PDLIM5: variants seen among roughly 807,000 people sequenced by gnomAD.
PDLIM5 encodes the protein PDZ and LIM domain 5.
In PDLIM5, 34 loss-of-function variants were observed where a neutral mutation model predicts 64.2. The observed-to-expected ratio is 0.53, with a 90% CI of 0.40 to 0.71. The LOEUF is 0.71. PDLIM5 is among the 30% of genes least tolerant of loss of function. The probability of loss-of-function intolerance (pLI) is 0.00; values close to 1 mark genes in which losing one functional copy is unlikely to be tolerated. For missense variants in PDLIM5, 683 were observed against 733.6 expected, an observed-to-expected ratio of 0.93 and a Z score of 0.80; for synonymous variants, 253 against 269.1, an observed-to-expected ratio of 0.94 and a Z score of 0.59.
At position 94,661,767 on chromosome 4, in the gene PDLIM5, C is replaced by A. The variant is rs532822663; in HGVS notation, c.1586-655C>A. ...CTTATTGTTGCTAGTTATTAGAAGT[C>A]CTTTGTATTTCTTCAGAACAGTCAT... On this transcript the variant is annotated intron_variant, in intron 11 of 12. Transcript: ENST00000317968. 1.8e-4 allele frequency among the ~76,000 whole-genome samples: 28 copies of A among 151,470 alleles called. No individual in the cohort carries two copies. In the South Asian group the frequency reaches 3.7e-3, roughly 20 times the overall value.
At chr4:94,542,175 A>G (rs1254683872) in intron 3 of PDLIM5, among the ~76,000 whole-genome samples, 3 of 152,028 alleles carry the variant, frequency 2.0e-5, no homozygotes, top group Non-Finnish European at 4.4e-5. Context: ...AGCCAGGTGT[A>G]GTGGCACACA....
intron 8 of PDLIM5, among the ~76,000 whole-genome samples, chr4:94,619,343 CTTTTTTTTCTTTT>C (rs1389381817): frequency 3.1e-5 from 1 of 31,908 alleles, no homozygotes; most frequent in East Asian, 1.0e-3. Context: ...AGTGATCTTT[CTTTTTTTTCTTTT>C]TTTTTTTTCC....
Position 94,603,562 on chromosome 4 carries a change from T to C in PDLIM5, c.921-14442T>C, listed in dbSNP as rs557667298. Among the ~76,000 whole-genome samples, 10 of 152,198 alleles carry C rather than the reference T, an allele frequency of 6.6e-5. No homozygotes were observed. The East Asian group carries it at 1.5e-3, about 24-fold the overall frequency. ...GTCCAGCTTGATGAGTAGATGAGTT[T>C]ATTAGGACATACATACAGGGCACTG... On this transcript the variant is annotated intron_variant, in intron 7 of 12. Transcript: ENST00000317968.
intron 3 of PDLIM5, among the ~76,000 whole-genome samples, chr4:94,562,559 T>C (rs192773532): frequency 1.0e-3 from 155 of 152,340 alleles, no homozygotes; most frequent in African/African-American, 3.6e-3. Flanking sequence ...TTAGGAACTT[T>C]TGTAGCAATT....
intron 2 of PDLIM5, among the ~76,000 whole-genome samples, chr4:94,487,845 G>C (rs1361129650): frequency 2.6e-5 from 4 of 152,112 alleles, no homozygotes; most frequent in African/African-American, 7.2e-5. Flanking sequence ...AGCGTTGCTT[G>C]GTTTACCTGT....
chr4:94,527,721 G>A (rs1730500553), intron 3 of PDLIM5, among the ~76,000 whole-genome samples: 2 of 152,356 alleles, frequency 1.3e-5, no homozygotes, highest in South Asian at 2.1e-4. Context: ...GAACAAAATT[G>A]CACTACAGAG....
intron 6 of PDLIM5, 95 bp downstream of exon 6, chr4:94,585,832 A>T (rs978066068): frequency 1.1e-5 from 10 of 926,498 alleles, no homozygotes; most frequent in Admixed American, 4.3e-5. Flanking sequence ...AACAACCCCG[A>T]GACAGTTTGC....
At chr4:94,643,043 T>C (rs924048506) in intron 9 of PDLIM5, among the ~76,000 whole-genome samples, 2 of 152,166 alleles carry the variant, frequency 1.3e-5, no homozygotes, top group Non-Finnish European at 2.9e-5. Context: ...AAAGCACATT[T>C]TATGTTTTAT....
At chr4:94,513,385 T>A (rs1048160213) in intron 2 of PDLIM5, among the ~76,000 whole-genome samples, 2 of 152,254 alleles carry the variant, frequency 1.3e-5, no homozygotes, top group Non-Finnish European at 1.5e-5. Flanking sequence ...TTTCCATTTG[T>A]TCCTGTCCTC....
chr4:94,514,356 A>C (rs541621221), intron 2 of PDLIM5, among the ~76,000 whole-genome samples: 3 of 151,834 alleles, frequency 2.0e-5, no homozygotes, highest in African/African-American at 2.4e-5. Flanking sequence ...GGATGGTCTC[A>C]ATCTCCTGAC....
At chr4:94,659,808 G>A (rs1349219607) in intron 11 of PDLIM5, among the ~76,000 whole-genome samples, 2 of 151,674 alleles carry the variant, frequency 1.3e-5, no homozygotes, top group African/African-American at 2.4e-5. Flanking sequence ...GATTACAAGC[G>A]TGAGCCACCA....
intron 3 of PDLIM5, among the ~76,000 whole-genome samples, chr4:94,530,140 A>G (rs922146248): frequency 2.6e-5 from 4 of 152,198 alleles, no homozygotes; most frequent in Non-Finnish European, 4.4e-5. Context: ...TGGCTAAACT[A>G]CTGGGCCTTA....
chr4:94,493,527 G>C (rs988815784), intron 2 of PDLIM5, among the ~76,000 whole-genome samples: 1 of 152,022 alleles, frequency 6.6e-6, no homozygotes, highest in African/African-American at 2.4e-5. Flanking sequence ...TATTGCCCAG[G>C]TTAGTCTCAA....
At chr4:94,586,762 T>G (rs961734933) in intron 7 of PDLIM5, among the ~76,000 whole-genome samples, 17 of 152,186 alleles carry the variant, frequency 1.1e-4, no homozygotes, top group African/African-American at 3.6e-4. Context: ...TCACTTTATT[T>G]TGAACATAAA....
At position 94,466,972 on chromosome 4, in the gene PDLIM5, A is replaced by G. The variant is rs1038139065; in HGVS notation, c.96+11588A>G. ...TAGGTTTTGTTTTACACCTCATGAT[A>G]AAGTGGTTTCATTAAAGTTAAAACA... On this transcript the variant is annotated intron_variant, in intron 2 of 12. Transcript: ENST00000317968. Among the ~76,000 whole-genome samples, 44 of 152,220 alleles carry G rather than the reference A, an allele frequency of 2.9e-4. 1 individual carries two copies. Among genetic ancestry groups the G allele is most frequent in the Non-Finnish European group, 7.3e-5 (5 of 68,042 alleles).
chr4:94,515,845 C>T (rs1729310945), intron 2 of PDLIM5, among the ~76,000 whole-genome samples: 1 of 152,072 alleles, frequency 6.6e-6, no homozygotes, highest in South Asian at 2.1e-4. Context: ...CTCACTATTC[C>T]AGAGTAGGCT....
At chr4:94,558,076 G>A (rs150080683) in intron 3 of PDLIM5, among the ~76,000 whole-genome samples, 3,544 of 152,238 alleles carry the variant, frequency 0.023, 67 homozygotes, top group Non-Finnish European at 0.034. Flanking sequence ...TTTGAGATAC[G>A]TCCCATCAGT....
At chr4:94,654,177 A>G (rs1742039369) in intron 9 of PDLIM5, among the ~76,000 whole-genome samples, 1 of 152,130 alleles carries the variant, frequency 6.6e-6, no homozygotes, top group African/African-American at 2.4e-5. Context: ...AGATTGCCTC[A>G]TTTCAGCTCA....
At chr4:94,462,757 C>T (rs1476314289) in intron 2 of PDLIM5, among the ~76,000 whole-genome samples, 1 of 152,114 alleles carries the variant, frequency 6.6e-6, no homozygotes, top group Non-Finnish European at 1.5e-5. Context: ...TAGAGACACT[C>T]CTGCTCATAA....
Sources: allele counts gnomAD v4.1 joint callset (sites outside exome capture counted in the v4.1 genomes callset), GRCh38; gene constraint gnomAD v4.1.1; transcripts MANE v1.5; gene names NCBI Gene and HGNC (gene_info 2026-07-23, HGNC 2026-07-21).